Variants in CUX1 observed in about 807,000 individuals in gnomAD.
CUX1 encodes protein CASP.
A neutral mutation model predicts 158.8 loss-of-function variants in CUX1; 31 were observed. That is an observed-to-expected ratio of 0.20 (90% CI 0.15 to 0.26). CUX1 has a LOEUF of 0.26. Ranked by LOEUF, CUX1 falls within the 10% of genes least tolerant of loss-of-function variation. The pLI is 1.00. For missense variants in CUX1, 1,589 were observed against 2,014.6 expected (o/e 0.79, Z 4.04); for synonymous variants, 879 against 862.1 (o/e 1.02, Z -0.34).
At chr7:101,997,164 C>T (rs542750752) in intron 2 of CUX1, among the ~76,000 whole-genome samples, 2 of 152,124 alleles carry the variant, frequency 1.3e-5, no homozygotes, top group Admixed American at 1.3e-4. Context: ...CCCTTGCACA[C>T]ACTAGCTGTG....
At chr7:101,935,192 G>A (rs1806771287) in intron 2 of CUX1, among the ~76,000 whole-genome samples, 1 of 151,982 alleles carries the variant, frequency 6.6e-6, no homozygotes, top group Non-Finnish European at 1.5e-5. Flanking sequence ...CCTTCTCCTG[G>A]CTCATCCTGG....
intron 8 of CUX1, among the ~76,000 whole-genome samples, chr7:102,157,402 C>G (rs781948216): frequency 2.0e-4 from 30 of 152,136 alleles, no homozygotes; most frequent in Admixed American, 6.6e-5. Flanking sequence ...TCAGGACCTG[C>G]TTGCAGACAT....
At chr7:101,936,605 G>A (rs1007050238) in intron 2 of CUX1, among the ~76,000 whole-genome samples, 11 of 152,280 alleles carry the variant, frequency 7.2e-5, no homozygotes, top group Middle Eastern at 3.4e-3. Flanking sequence ...AGGAAAGCCC[G>A]GCGACCATCA....
chr7:101,979,362 T>G (rs190065968), intron 2 of CUX1, among the ~76,000 whole-genome samples: 2 of 152,358 alleles, frequency 1.3e-5, no homozygotes, highest in South Asian at 2.1e-4. Flanking sequence ...CTTAAAATGT[T>G]GAATTGTTGG....
intron 4 of CUX1, among the ~76,000 whole-genome samples, chr7:102,081,955 G>A (rs1827465958): frequency 1.4e-5 from 2 of 146,456 alleles, no homozygotes; most frequent in Admixed American, 1.4e-4. Flanking sequence ...GTGTGAAAAT[G>A]GACTCATACA....
rs193224744 is a variant in CUX1, at chr7:102,156,864, C to T, written c.675-1696C>T. Reference sequence around the variant, plus strand: ...TCTAGGGATATAGGGCAAAAGGGACCTATGGCCCAGCATTCAGAGAGAGCT... The same window carrying T: ...TCTAGGGATATAGGGCAAAAGGGACTTATGGCCCAGCATTCAGAGAGAGCT... On this transcript the variant is annotated intron_variant, in intron 8 of 23. Coordinates refer to ENST00000292535, the MANE Select transcript of CUX1 (RefSeq NM_181552.4). Among the ~76,000 whole-genome samples the T allele has an allele frequency of 3.3e-5, 5 of 152,296 alleles. No individual in the cohort carries two copies. In the East Asian group the frequency reaches 7.7e-4, roughly 24 times the overall value.
chr7:102,212,480 G>A (rs1481190242), intron 20 of CUX1, among the ~76,000 whole-genome samples: 1 of 152,192 alleles, frequency 6.6e-6, no homozygotes, highest in Admixed American at 6.5e-5. Context: ...CCCAAAGAGA[G>A]GGAAGTCATA....
intron 1 of CUX1, among the ~76,000 whole-genome samples, chr7:101,872,535 ATT>A (rs10715559): frequency 0.069 from 10,073 of 145,016 alleles, 407 homozygotes; most frequent in Admixed American, 0.092. Context: ...GGCTTCTATG[ATT>A]TTTTTTTTTT....
intron 12 of CUX1, among the ~76,000 whole-genome samples, chr7:102,191,038 G>T (rs1380103435): frequency 6.6e-6 from 1 of 152,062 alleles, no homozygotes; most frequent in Admixed American, 6.6e-5. Context: ...TCACTTCCAT[G>T]ACCAGCTGCC....
chr7:102,139,480 C>G (rs1430258370), intron 8 of CUX1, among the ~76,000 whole-genome samples: 1 of 152,134 alleles, frequency 6.6e-6, no homozygotes, highest in East Asian at 1.9e-4. Context: ...CCACCTGAAA[C>G]AGCTTTTGGC....
chr7:101,977,159 C>T (rs930136252), intron 2 of CUX1, among the ~76,000 whole-genome samples: 5 of 151,872 alleles, frequency 3.3e-5, no homozygotes, highest in East Asian at 1.9e-4. Context: ...GTGATCCTCC[C>T]GCCTCGGCCT....
chr7:102,269,676 G>A (rs369023083), intron 14 of CUX1, among the ~76,000 whole-genome samples: 1 of 147,876 alleles, frequency 6.8e-6, no homozygotes, highest in Non-Finnish European at 1.5e-5. Context: ...TGCCCGCCTC[G>A]GCCTCTCAAA....
intron 11 of CUX1, among the ~76,000 whole-genome samples, chr7:102,185,637 G>C (rs932563907): frequency 1.4e-4 from 20 of 148,038 alleles, no homozygotes; most frequent in African/African-American, 4.8e-4. Context: ...ACGGGGTCTT[G>C]CTATGTTGTC....
At chr7:101,835,664 A>C (rs1794543495) in intron 1 of CUX1, among the ~76,000 whole-genome samples, 1 of 152,164 alleles carries the variant, frequency 6.6e-6, no homozygotes, top group Non-Finnish European at 1.5e-5. Flanking sequence ...ATTGTGGAGA[A>C]TGGGGTATCC....
chr7:101,837,828 C>CAAA (rs200090006), intron 1 of CUX1, among the ~76,000 whole-genome samples: 8 of 44,372 alleles, frequency 1.8e-4, no homozygotes, highest in East Asian at 6.8e-4. Flanking sequence ...GAGACCCTGT[C>CAAA]AAAAAAAAAA....
chr7:101,859,344 C>T (rs751810164), intron 1 of CUX1, among the ~76,000 whole-genome samples: 7 of 152,286 alleles, frequency 4.6e-5, no homozygotes, highest in Non-Finnish European at 5.9e-5. Context: ...ACCAATTGAC[C>T]GTATCCGGGG....
intron 4 of CUX1, among the ~76,000 whole-genome samples, chr7:102,071,467 C>T (rs1161678066): frequency 6.6e-6 from 1 of 152,086 alleles, no homozygotes; most frequent in Admixed American, 6.6e-5. Flanking sequence ...CCCAGCTCAG[C>T]CCTGGAGAGA....
intron 19 of CUX1, among the ~76,000 whole-genome samples, chr7:102,280,448 A>G (rs1554548942): frequency 6.6e-6 from 1 of 152,186 alleles, no homozygotes; most frequent in Admixed American, 6.5e-5. Context: ...ACAGGCAGAC[A>G]AGGAAAAACC....
At chr7:102,215,017 G>A (rs1554524144) in intron 20 of CUX1, among the ~76,000 whole-genome samples, 1 of 152,158 alleles carries the variant, frequency 6.6e-6, no homozygotes, top group African/African-American at 2.4e-5. Context: ...AAACTTTTAT[G>A]GATGCCTTAG....
Sources: allele counts gnomAD v4.1 joint callset (sites outside exome capture counted in the v4.1 genomes callset), GRCh38; gene constraint gnomAD v4.1.1; transcripts MANE v1.5; gene names NCBI Gene and HGNC (gene_info 2026-07-23, HGNC 2026-07-21).